Variants in GALK2 observed in about 807,000 individuals in gnomAD.
GALK2 encodes the protein N-acetylgalactosamine kinase.
GALK2 carries 36 observed loss-of-function variants against 52.4 expected under a neutral mutation model. The ratio of observed to expected loss-of-function variants is 0.69; its 90% CI spans 0.53 to 0.91. The LOEUF (loss-of-function observed/expected upper bound fraction) is 0.91. Ranked by LOEUF, GALK2 falls within the 40% of genes least tolerant of loss-of-function variation. The pLI is 0.00. For synonymous variants in GALK2, 176 were observed against 199.1 expected, an observed-to-expected ratio of 0.88 and a Z score of 0.98; for missense variants, 579 against 559.1, an observed-to-expected ratio of 1.04 and a Z score of -0.36.
At chr15:49,344,506 A>G (rs767061768) in intron 3 of GALK2, among the ~76,000 whole-genome samples, 6 of 152,238 alleles carry the variant, frequency 3.9e-5, no homozygotes, top group African/African-American at 1.2e-4. Flanking sequence ...CTCATCCCCA[A>G]TTGTGTGTTC....
chr15:49,232,091 C>T (rs943378893), intron 3 of GALK2, among the ~76,000 whole-genome samples: 13 of 152,238 alleles, frequency 8.5e-5, no homozygotes, highest in African/African-American at 1.7e-4. Flanking sequence ...TTCTCCATGA[C>T]GGCTCTGCTC....
At chr15:49,201,348 AAT>A in intron 2 of GALK2, 98 bp downstream of exon 2, 3 of 643,534 alleles carry the variant, frequency 4.7e-6, no homozygotes, top group South Asian at 4.1e-5. Context: ...CCCAAAATAG[AAT>A]ATTTCACATG....
intron 2 of GALK2, among the ~76,000 whole-genome samples, chr15:49,203,605 C>T (rs568242470): frequency 6.6e-6 from 1 of 152,228 alleles, no homozygotes; most frequent in South Asian, 2.1e-4. Flanking sequence ...TTGCCTAGAC[C>T]AATGTCTTGA....
intron 3 of GALK2, among the ~76,000 whole-genome samples, chr15:49,228,688 T>TACA: frequency 9.6e-5 from 1 of 10,444 alleles, no homozygotes; most frequent in African/African-American, 3.4e-4. Flanking sequence ...TATATATATA[T>TACA]TTTTTTTTTT....
At chr15:49,364,809 G>A (rs1195666456) in intron 3 of GALK2, among the ~76,000 whole-genome samples, 7 of 151,266 alleles carry the variant, frequency 4.6e-5, no homozygotes, top group African/African-American at 1.7e-4. Context: ...CATTAGAGTT[G>A]GAAGAAACAT....
chr15:49,363,047 T>C (rs1370691669), intron 3 of GALK2, among the ~76,000 whole-genome samples: 1 of 152,102 alleles, frequency 6.6e-6, no homozygotes, highest in African/African-American at 2.4e-5. Flanking sequence ...AATCTGAATT[T>C]GGGTAACATG....
chr15:49,168,747 T>A (rs1359131507), upstream of GALK2, among the ~76,000 whole-genome samples: 3 of 147,834 alleles, frequency 2.0e-5, no homozygotes, highest in Non-Finnish European at 4.5e-5. Flanking sequence ...TCTGTTCTTT[T>A]CTGTATTTAC....
chr15:49,186,636 TTCAAATGATTCTCCTGCC>T (rs986315730), intron 1 of GALK2, among the ~76,000 whole-genome samples: 1 of 149,630 alleles, frequency 6.7e-6, no homozygotes, highest in African/African-American at 2.5e-5. Flanking sequence ...GCCTCCCGGG[TTCAAATGATTCTCCTGCC>T]TCAACCTCCG....
rs1300934154 is a variant in GALK2, at chr15:49,283,558, T to A, written c.604-8T>A. The A allele has an allele frequency of 1.2e-6, 2 of 1,601,050 alleles. No homozygotes were observed. ...ATTATATTTCTCCTTTCATTTTTCT[T>A]CTAACAGGCCAAGTTGATAGAATTT... On this transcript the variant is annotated splice_polypyrimidine_tract_variant and splice_region_variant and intron_variant, in intron 6 of 9. Transcript: ENST00000560031.
chr15:49,320,820 G>T (rs2036811998), intron 9 of GALK2, among the ~76,000 whole-genome samples: 1 of 152,298 alleles, frequency 6.6e-6, no homozygotes, highest in East Asian at 1.9e-4. Context: ...AATATCAAGG[G>T]CCTAGTATAT....
At chr15:49,245,190 A>T (rs936961777) in intron 5 of GALK2, among the ~76,000 whole-genome samples, 3 of 152,286 alleles carry the variant, frequency 2.0e-5, no homozygotes, top group African/African-American at 7.2e-5. Flanking sequence ...CTCACTTATC[A>T]TAATAGGAAA....
intron 2 of GALK2, among the ~76,000 whole-genome samples, chr15:49,201,894 C>T (rs979211759): frequency 4.6e-5 from 7 of 151,926 alleles, no homozygotes; most frequent in African/African-American, 1.7e-4. Flanking sequence ...AACAGAATTC[C>T]ACAGATGGGG....
In GALK2 at chr15:49,258,777, CATATAT is replaced by C. The variant is rs144138275; in HGVS notation, c.504+19423_504+19428del. On this transcript the variant is annotated intron_variant, in intron 5 of 9. Transcript: ENST00000560031. ...CCCCAGAAGCACATTTATTTGGAAGCATATATATATATATATATGTGTGTGTGTGTG... is the reference window on the plus strand; with the variant it reads ...CCCCAGAAGCACATTTATTTGGAAGCATATATATATATGTGTGTGTGTGTG... Among the ~76,000 whole-genome samples, 399 of 134,628 alleles carry C rather than the reference CATATAT, an allele frequency of 3.0e-3. 6 individuals are homozygous for C. Among genetic ancestry groups the C allele is most frequent in the African/African-American group, 0.011 (375 of 34,488 alleles). The allele number at this position is 134,628 out of a possible 152,430, so 88.3% of individuals were successfully genotyped here. A position where few individuals can be genotyped will look rare whatever the true frequency, so the allele number is the denominator to read the frequency against.
chr15:49,212,674 T>C (rs1217777842), intron 2 of GALK2, among the ~76,000 whole-genome samples: 1 of 152,174 alleles, frequency 6.6e-6, no homozygotes, highest in African/African-American at 2.4e-5. Context: ...GCTCTTTCTG[T>C]ATCATGGAGA....
intron 5 of GALK2, among the ~76,000 whole-genome samples, chr15:49,269,686 T>C (rs1373217061): frequency 6.6e-6 from 1 of 152,174 alleles, no homozygotes; most frequent in East Asian, 1.9e-4. Context: ...AGGGGCCCTC[T>C]CCCTATGTGC....
chr15:49,318,958 T>C (rs189327969), intron 8 of GALK2: 11 of 449,550 alleles, frequency 2.4e-5, no homozygotes, highest in East Asian at 2.1e-4. Flanking sequence ...TTCTTTCTTT[T>C]TTTTTTTTTT....
chr15:49,213,993 G>A (rs1307021102), intron 2 of GALK2, among the ~76,000 whole-genome samples: 1 of 151,942 alleles, frequency 6.6e-6, no homozygotes, highest in Admixed American at 6.6e-5. Flanking sequence ...GGTGGCGGGT[G>A]CCTGTAGTCC....
intron 7 of GALK2, among the ~76,000 whole-genome samples, chr15:49,286,507 C>A (rs888865029): frequency 3.3e-5 from 5 of 152,142 alleles, no homozygotes; most frequent in African/African-American, 1.2e-4. Context: ...TAGAGATATA[C>A]TGAACGAGGA....
intron 2 of GALK2, among the ~76,000 whole-genome samples, chr15:49,212,904 T>G (rs1163657416): frequency 6.6e-6 from 1 of 152,202 alleles, no homozygotes; most frequent in East Asian, 1.9e-4. Flanking sequence ...TTGAGACTTG[T>G]TTTGTGGTCT....
Sources: gnomAD v4.1 joint callset for allele counts (sites outside exome capture counted in the v4.1 genomes callset) on GRCh38, gnomAD v4.1.1 for gene constraint, MANE v1.5 for transcripts, NCBI Gene and HGNC (gene_info 2026-07-23, HGNC 2026-07-21) for gene names.